Variants in KCNJ1 observed in about 807,000 individuals in gnomAD.
The protein encoded by KCNJ1 is potassium inwardly rectifying channel subfamily J member 1, also known as ATP-sensitive inward rectifier potassium channel 1.
In KCNJ1, 24 loss-of-function variants were observed where a neutral mutation model predicts 21.9. The observed-to-expected ratio is 1.10, with a 90% CI of 0.79 to 1.54. The LOEUF is 1.54. Ranked by LOEUF, KCNJ1 falls within the 40% of genes most tolerant of loss-of-function variation. The pLI is 0.00. For missense variants in KCNJ1, 457 were observed against 455.4 expected (o/e 1.00, Z -0.03); for synonymous variants, 152 against 160.9 (o/e 0.94, Z 0.42).
intron 2 of KCNJ1, among the ~76,000 whole-genome samples, chr11:128,850,180 C>A (rs765240814): frequency 4.6e-5 from 7 of 152,064 alleles, no homozygotes; most frequent in Admixed American, 3.9e-4. Flanking sequence ...CTCTCCCCCA[C>A]GCCACACCCA....
chr11:128,855,284 C>T (rs1172256233), intron 1 of KCNJ1, among the ~76,000 whole-genome samples: 1 of 152,018 alleles, frequency 6.6e-6, no homozygotes, highest in East Asian at 1.9e-4. Context: ...TGGGTTTATT[C>T]TTTTTCCCCA....
At chr11:128,853,142 A>G (rs1943507355) in intron 1 of KCNJ1, among the ~76,000 whole-genome samples, 2 of 152,218 alleles carry the variant, frequency 1.3e-5, no homozygotes, top group Non-Finnish European at 2.9e-5. Flanking sequence ...TCCATACTAT[A>G]TTGATGATTC....
At chr11:128,847,328 G>A (rs75628387) in intron 2 of KCNJ1, among the ~76,000 whole-genome samples, 332 of 152,208 alleles carry the variant, frequency 2.2e-3, no homozygotes, top group African/African-American at 7.5e-3. Context: ...TCTGACTGGA[G>A]GGCACTGACC....
At chr11:128,857,684 A>G (rs1024500731) in intron 1 of KCNJ1, among the ~76,000 whole-genome samples, 6 of 152,216 alleles carry the variant, frequency 3.9e-5, no homozygotes, top group African/African-American at 1.4e-4. Flanking sequence ...ACTAATGACC[A>G]AGCAAACATC....
chr11:128,860,035 C>G (rs1017878072), intron 1 of KCNJ1, among the ~76,000 whole-genome samples: 4 of 152,344 alleles, frequency 2.6e-5, no homozygotes, highest in African/African-American at 9.6e-5. Flanking sequence ...CGCCCCCTGG[C>G]GCCTGCCGAG....
chr11:128,857,215 G>A (rs1434445097), intron 1 of KCNJ1, among the ~76,000 whole-genome samples: 1 of 152,174 alleles, frequency 6.6e-6, no homozygotes, highest in Non-Finnish European at 1.5e-5. Context: ...TAGGGACCTA[G>A]CTCCATCACC....
chr11:128,859,412 C>A (rs927660822), intron 1 of KCNJ1, among the ~76,000 whole-genome samples: 1 of 152,164 alleles, frequency 6.6e-6, no homozygotes, highest in Non-Finnish European at 1.5e-5. Context: ...TGCCCCACTC[C>A]GGGCTAGTGT....
At position 128,838,797 on chromosome 11, in the gene KCNJ1, T is replaced by G. The variant is rs1943213023; in HGVS notation, c.*328A>C. On this transcript the variant is annotated 3_prime_UTR_variant, in exon 3 of 3. Coordinates refer to ENST00000392666, the MANE Select transcript of KCNJ1 (RefSeq NM_153766.3). Reference sequence around the variant, plus strand: ...TTTAAGGAAACTTTAAAAAATATTTTGTTTGGCCTGTTCATGAAACTTTTG... The same window carrying G: ...TTTAAGGAAACTTTAAAAAATATTTGGTTTGGCCTGTTCATGAAACTTTTG... 3.5e-6 allele frequency: 1 copy of G among 285,928 alleles called. No homozygotes were observed. Among genetic ancestry groups the G allele is most frequent in the Admixed American group, 4.8e-5 (1 of 20,690 alleles). The allele number at this position is 285,928 out of a possible 1,614,324, so 17.7% of individuals were successfully genotyped here. A position where few individuals can be genotyped will look rare whatever the true frequency, so the allele number is the denominator to read the frequency against.
intron 1 of KCNJ1, among the ~76,000 whole-genome samples, chr11:128,865,210 T>G (rs1943795590): frequency 6.6e-6 from 1 of 152,156 alleles, no homozygotes; most frequent in Non-Finnish European, 1.5e-5. Context: ...TTCCATGAGG[T>G]CCTCTGTAGG....
At chr11:128,842,523 G>A (rs1459359847) in intron 2 of KCNJ1, 20 of 1,587,322 alleles carry the variant, frequency 1.3e-5, no homozygotes, top group South Asian at 6.8e-5. Flanking sequence ...GTGGACTGAC[G>A]CTAATTTGTG....
intron 1 of KCNJ1, among the ~76,000 whole-genome samples, chr11:128,866,066 AC>A (rs1303741479): frequency 6.6e-6 from 1 of 152,056 alleles, no homozygotes; most frequent in Non-Finnish European, 1.5e-5. Context: ...AGATATCTCC[AC>A]CCCATCATGC....
At position 128,838,802 on chromosome 11, in the gene KCNJ1, G is replaced by T; in HGVS notation, c.*323C>A. On this transcript the variant is annotated 3_prime_UTR_variant, in exon 3 of 3. Coordinates refer to ENST00000392666, the MANE Select transcript of KCNJ1 (RefSeq NM_153766.3). ...GGAAACTTTAAAAAATATTTTGTTTGGCCTGTTCATGAAACTTTTGATAAT... is the reference window on the plus strand; with the variant it reads ...GGAAACTTTAAAAAATATTTTGTTTTGCCTGTTCATGAAACTTTTGATAAT... 3.3e-6 allele frequency: 1 copy of T among 301,938 alleles called. No homozygotes were observed. Among genetic ancestry groups the T allele is most frequent in the South Asian group, 4.7e-5 (1 of 21,096 alleles). 18.7% of individuals were successfully genotyped at this position (301,938 alleles called of 1,614,324 possible). A position where few individuals can be genotyped will look rare whatever the true frequency, so the allele number is the denominator to read the frequency against.
chr11:128,855,784 TC>T, intron 1 of KCNJ1, among the ~76,000 whole-genome samples: 1 of 152,326 alleles, frequency 6.6e-6, no homozygotes. Flanking sequence ...CCAGGCTCCT[TC>T]CTTGTTTAGC....
At chr11:128,848,296 A>G (rs1943419453) in intron 2 of KCNJ1, among the ~76,000 whole-genome samples, 1 of 150,348 alleles carries the variant, frequency 6.7e-6, no homozygotes, top group Non-Finnish European at 1.5e-5. Context: ...TCAAAAAAAA[A>G]AAAAAAAAAA....
intron 2 of KCNJ1, among the ~76,000 whole-genome samples, chr11:128,843,929 G>A (rs1943333686): frequency 6.6e-6 from 1 of 152,150 alleles, no homozygotes; most frequent in Non-Finnish European, 1.5e-5. Flanking sequence ...AATAATCTAT[G>A]AAATGACCAG....
At chr11:128,860,540 C>A (rs534286805) in intron 1 of KCNJ1, among the ~76,000 whole-genome samples, 1 of 152,160 alleles carries the variant, frequency 6.6e-6, no homozygotes, top group Non-Finnish European at 1.5e-5. Context: ...GTCAGAGATT[C>A]CAGAAGATTC....
chr11:128,858,399 G>A (rs980880758), intron 1 of KCNJ1, among the ~76,000 whole-genome samples: 4 of 152,056 alleles, frequency 2.6e-5, no homozygotes, highest in African/African-American at 9.7e-5. Context: ...TTTGATTGAC[G>A]ATTAACAACT....
intron 2 of KCNJ1, among the ~76,000 whole-genome samples, chr11:128,850,143 C>T (rs556870642): frequency 2.3e-4 from 35 of 152,240 alleles, no homozygotes; most frequent in African/African-American, 7.9e-4. Flanking sequence ...CCTGCTATTT[C>T]CTCGGCTGGA....
rs146396808 is a variant in KCNJ1 at position 128,863,716 on chromosome 11, C to G, written c.-192+3457G>C. ...TTGGGTTGGGTTTTATATTTGACAG[C>G]TAAGGACCTTAATAACAGTTTTTGA... is the stretch of plus-strand genomic sequence containing the variant. On this transcript the variant is annotated intron_variant, in intron 1 of 2. Coordinates refer to ENST00000392666, the MANE Select transcript of KCNJ1 (RefSeq NM_153766.3). Among the ~76,000 whole-genome samples the G allele has an allele frequency of 2.2e-3, 337 of 152,302 alleles. 3 individuals carry two copies. The highest frequency in any genetic ancestry group is 7.5e-3 in the African/African-American group (310 of 41,566).
Sources: allele counts gnomAD v4.1 joint callset (sites outside exome capture counted in the v4.1 genomes callset), GRCh38; gene constraint gnomAD v4.1.1; transcripts MANE v1.5; gene names NCBI Gene and HGNC (gene_info 2026-07-23, HGNC 2026-07-21).